ATP7A: variants seen among roughly 807,000 people sequenced by gnomAD.
ATP7A encodes the protein ATPase copper transporting alpha.
In ATP7A, 7 loss-of-function variants were observed where a neutral mutation model predicts 83.5. The ratio of observed to expected loss-of-function variants is 0.08; its 90% CI spans 0.05 to 0.16. ATP7A has a LOEUF of 0.16. ATP7A is among the 10% of genes least tolerant of loss of function. The pLI is 1.00. For synonymous variants in ATP7A, 354 were observed against 395.2 expected (o/e 0.90, Z 1.24); for missense variants, 940 against 1,120.8 (o/e 0.84, Z 2.30).
intron 2 of ATP7A, among the ~76,000 whole-genome samples, chrX:77,980,919 C>T (rs1425768342): frequency 6.2e-5 from 7 of 112,066 alleles, no homozygotes; most frequent in Admixed American, 5.7e-4. Context: ...CCGCCTGCCT[C>T]GGCCTTCCAA....
chrX:77,998,090 T>G (rs1291089211), intron 4 of ATP7A, among the ~76,000 whole-genome samples: 1 of 111,231 alleles, frequency 9.0e-6, no homozygotes, highest in Admixed American at 9.7e-5. Context: ...GCAAATTGCT[T>G]TTTGTTCCAC....
Position 77,987,461 on chromosome X carries a change from T to C in ATP7A, c.121-781T>C, listed in dbSNP as rs183041926. On this transcript the variant is annotated intron_variant, in intron 2 of 22. Coordinates refer to ENST00000341514, the MANE Select transcript of ATP7A (RefSeq NM_000052.7). ...CCCAGTATTTGTGTGTGTGTGTGTGTGTGTGTGTGTGTGTGTGTGTGTGTG... is the reference window on the plus strand; with the variant it reads ...CCCAGTATTTGTGTGTGTGTGTGTGCGTGTGTGTGTGTGTGTGTGTGTGTG... 9.7e-4 allele frequency among the ~76,000 whole-genome samples: 98 copies of C among 100,799 alleles called. No individual in the cohort carries two copies. The East Asian group carries it at 0.036, about 37-fold the overall frequency. The allele number at this position is 100,799 out of a possible 115,157, so 87.5% of individuals were successfully genotyped here.
In ATP7A at chrX:77,989,583, T is replaced by C. The variant is rs2149083216; in HGVS notation, c.961T>C (p.Tyr321His). 8.3e-7 allele frequency: 1 copy of C among 1,211,752 alleles called. No individual in the cohort carries two copies. Among genetic ancestry groups the C allele is most frequent in the Non-Finnish European group, 1.1e-6 (1 of 895,438 alleles). ...SLENRSAIVKYNASSVTPESL... is the reference protein window; with the variant it reads ...SLENRSAIVKHNASSVTPESL... ...AGAGAATAGGTCTGCCATTGTGAAG[T>C]ATAATGCAAGCTCAGTCACTCCAGA... The change falls in exon 4 of 23, where the codon TAT (tyrosine) becomes CAT (histidine). Residue 321 changes from tyrosine (Y) to histidine (H), a missense_variant. Tyr to His is a moderately conservative substitution (Grantham distance 83). Around this residue, in one of 3 missense-constraint regions of ATP7A, gnomAD observed 350 missense variants for 432.8 expected, o/e 0.81. Transcript: ENST00000341514.
In ATP7A at chrX:78,011,431, T is replaced by C; in HGVS notation, c.1947-18T>C. ...ATTTATGACCATGATTTTTCTTTTT[T>C]TATTTTTTCCATATAAGATGGAGAC... On this transcript the variant is annotated intron_variant, in intron 8 of 22. Transcript: ENST00000341514. The C allele has an allele frequency of 1.7e-6, 2 of 1,200,399 alleles. No homozygotes were observed. The highest frequency in any genetic ancestry group is 2.3e-6 in the Non-Finnish European group (2 of 885,766).
rs1208083391 is a variant in ATP7A, at chrX:78,048,277, A to G, written c.*1707A>G. 1.8e-5 allele frequency: 2 copies of G among 112,308 alleles called. No individual in the cohort carries two copies. The highest frequency in any genetic ancestry group is 3.8e-5 in the Non-Finnish European group (2 of 53,275). 9.3% of individuals were successfully genotyped at this position (112,308 alleles called of 1,213,427 possible). On this transcript the variant is annotated 3_prime_UTR_variant, in exon 23 of 23. Transcript: ENST00000341514. ...GCAAGATGGATTTCATATGCAGAAT[A>G]TGTAAATGAAGAGGACTCATAAGTA... is the stretch of plus-strand genomic sequence containing the variant.
intron 4 of ATP7A, among the ~76,000 whole-genome samples, chrX:77,991,118 G>T (rs782300596): frequency 2.2e-4 from 25 of 111,797 alleles, no homozygotes; most frequent in African/African-American, 7.8e-4. Flanking sequence ...CCCAGTGGTT[G>T]TTAGTATACT....
intron 1 of ATP7A, among the ~76,000 whole-genome samples, chrX:77,933,874 A>G (rs2077304320): frequency 1.8e-5 from 2 of 111,605 alleles, no homozygotes; most frequent in African/African-American, 6.5e-5. Context: ...AAAACATGAC[A>G]TACCATTAAT....
At chrX:78,045,704 C>T (rs782112414) in intron 22 of ATP7A, 132 bp downstream of exon 22, 557 of 670,210 alleles carry the variant, frequency 8.3e-4, no homozygotes, top group Non-Finnish European at 1.2e-3. Flanking sequence ...TATTAGCGGC[C>T]GGGCGTGGTG....
At chrX:78,019,602 G>A (rs782168070) in intron 12 of ATP7A, among the ~76,000 whole-genome samples, 2 of 110,918 alleles carry the variant, frequency 1.8e-5, no homozygotes, top group Non-Finnish European at 3.8e-5. Context: ...CACGTACCTG[G>A]GACTACAGGC....
chrX:77,997,356 G>A (rs1217012975), intron 4 of ATP7A, among the ~76,000 whole-genome samples: 1 of 111,800 alleles, frequency 8.9e-6, no homozygotes, highest in African/African-American at 3.2e-5. Flanking sequence ...AGATTTAAGA[G>A]GCATTAATAT....
intron 12 of ATP7A, among the ~76,000 whole-genome samples, chrX:78,019,579 C>T (rs1271336787): frequency 9.0e-6 from 1 of 111,192 alleles, no homozygotes; most frequent in Non-Finnish European, 1.9e-5. Context: ...ACAATCCTCC[C>T]ACCTCAGCCT....
At chrX:77,912,354 TGATA>T (rs1384903400) in intron 1 of ATP7A, among the ~76,000 whole-genome samples, 16 of 111,679 alleles carry the variant, frequency 1.4e-4, no homozygotes, top group South Asian at 3.7e-4. Flanking sequence ...CTATCTGGAC[TGATA>T]GATAGAAGAA....
At chrX:77,964,231 T>C (rs1471795294) in intron 1 of ATP7A, 1 of 112,176 alleles carries the variant, frequency 8.9e-6, no homozygotes. Flanking sequence ...GTTTGTATTA[T>C]GTGTGAATGA....
chrX:78,032,256 G>T (rs1467380658), intron 16 of ATP7A, among the ~76,000 whole-genome samples: 4 of 107,838 alleles, frequency 3.7e-5, no homozygotes, highest in Non-Finnish European at 7.7e-5. Context: ...GTGAGTGTTT[G>T]TTTTTTTTTG....
chrX:78,013,221 C>T (rs1189831817), intron 10 of ATP7A, 109 bp downstream of exon 10: 1 of 697,139 alleles, frequency 1.4e-6, no homozygotes, highest in Admixed American at 2.6e-5. Context: ...TAACCATTTA[C>T]TGAAAGACGT....
intron 1 of ATP7A, among the ~76,000 whole-genome samples, chrX:77,970,750 G>C (rs1457184636): frequency 8.9e-6 from 1 of 112,163 alleles, no homozygotes; most frequent in Non-Finnish European, 1.9e-5. Context: ...CCACACCGAA[G>C]GGGAAAGGAT....
intron 2 of ATP7A, among the ~76,000 whole-genome samples, chrX:77,981,557 C>T (rs1184323236): frequency 3.6e-5 from 4 of 111,839 alleles, no homozygotes; most frequent in African/African-American, 1.3e-4. Context: ...ATGCTGTAAT[C>T]CCAGTACTTT....
chrX:78,009,207 C>A lies in ATP7A; in HGVS notation c.1813C>A (p.His605Asn), dbSNP rs1235731231. Reference sequence around the variant, plus strand: ...CGTGGCCCTGGCAACCAACAAAGCACATATTAAATATGACCCAGAAATTAT... The same window carrying A: ...CGTGGCCCTGGCAACCAACAAAGCAAATATTAAATATGACCCAGAAATTAT... Reference protein sequence around the residue: ...CSVALATNKAHIKYDPEIIGP... With the variant: ...CSVALATNKANIKYDPEIIGP... Residue 605 changes from histidine to asparagine, a missense_variant, in exon 7 of 23, where the codon CAT (histidine) becomes AAT (asparagine). By Grantham distance (68) the His-to-Asn change is moderately conservative. This residue lies in a region of ATP7A where 204 missense variants were observed against 185.8 expected (regional missense o/e 1.10). Coordinates refer to ENST00000341514, the MANE Select transcript of ATP7A (RefSeq NM_000052.7). 8.3e-7 allele frequency: 1 copy of A among 1,210,366 alleles called. No homozygotes were observed.
chrX:77,927,443 A>G (rs1475116121), intron 1 of ATP7A, among the ~76,000 whole-genome samples: 2 of 111,644 alleles, frequency 1.8e-5, no homozygotes, highest in African/African-American at 6.5e-5. Flanking sequence ...TAAGCAAACA[A>G]TTATGTGTTT....
Sources: gnomAD v4.1 joint callset for allele counts (sites outside exome capture counted in the v4.1 genomes callset) on GRCh38, gnomAD v4.1.1 for gene constraint, gnomAD v4.1.1 regional missense constraint, MANE v1.5 for transcripts, NCBI Gene and HGNC (gene_info 2026-07-23, HGNC 2026-07-21) for gene names.